Variants in MPDZ observed in about 807,000 individuals in gnomAD.
MPDZ encodes multiple PDZ domain protein.
MPDZ carries 234 observed loss-of-function variants against 239.1 expected under a neutral mutation model. That is an observed-to-expected ratio of 0.98 (90% confidence interval 0.88 to 1.09). MPDZ has a LOEUF of 1.09. Ranked by LOEUF, MPDZ falls within the 50% of genes least tolerant of loss-of-function variation. The probability of loss-of-function intolerance (pLI) is 0.00; values close to 1 mark genes in which losing one functional copy is unlikely to be tolerated. For missense variants in MPDZ, 3,175 were observed against 2,510.0 expected (o/e 1.26, Z -5.66); for synonymous variants, 1,048 against 881.3 (o/e 1.19, Z -3.35).
At chr9:13,145,408 T>C (rs1164208312) in intron 26 of MPDZ, among the ~76,000 whole-genome samples, 1 of 151,960 alleles carries the variant, frequency 6.6e-6, no homozygotes, top group Non-Finnish European at 1.5e-5. Context: ...GTTCTGGAAA[T>C]TTCTGATTCT....
At chr9:13,139,754 C>G (rs1294261573) in intron 28 of MPDZ, among the ~76,000 whole-genome samples, 3 of 152,100 alleles carry the variant, frequency 2.0e-5, no homozygotes. Context: ...AATTCTCATA[C>G]AAAAGGCAGA....
chr9:13,122,144 A>G lies in MPDZ; in HGVS notation c.4980T>C (p.Tyr1660=), dbSNP rs747995675. The change falls in exon 37 of 47, where the codon TAT becomes TAC. Residue 1660 remains tyrosine, a synonymous_variant. Coordinates refer to ENST00000319217, the MANE Select transcript of MPDZ (RefSeq NM_001378778.1). ...CATCTTTACATGCTGCTCCTTCTTC[A>G]TAAACTTCATGGATAATAATGGCAC... ...LLGAIIIHEV[Y]EEGAACKDGR... 5.0e-6 allele frequency: 8 copies of G among 1,614,030 alleles called. No individual in the cohort carries two copies. The highest frequency in any genetic ancestry group is 6.8e-6 in the Non-Finnish European group (8 of 1,179,926).
At chr9:13,139,912 G>T in intron 28 of MPDZ, 75 bp downstream of exon 28, 1 of 1,559,566 alleles carries the variant, frequency 6.4e-7, no homozygotes, top group Non-Finnish European at 8.8e-7. Context: ...TACTTATCCA[G>T]GGCGAAATCC....
At chr9:13,142,411 T>A (rs2132571902) in intron 27 of MPDZ, among the ~76,000 whole-genome samples, 1 of 152,284 alleles carries the variant, frequency 6.6e-6, no homozygotes, top group East Asian at 1.9e-4. Context: ...CCTGACACCC[T>A]CATTCTCATC....
chr9:13,264,942 A>G (rs901858059), intron 1 of MPDZ, among the ~76,000 whole-genome samples: 1 of 152,190 alleles, frequency 6.6e-6, no homozygotes, highest in Non-Finnish European at 1.5e-5. Flanking sequence ...TTTGTACCAC[A>G]TTTTCAGTGT....
At chr9:13,151,182 C>T (rs1166102185) in intron 24 of MPDZ, among the ~76,000 whole-genome samples, 5 of 151,814 alleles carry the variant, frequency 3.3e-5, no homozygotes, top group African/African-American at 9.7e-5. Flanking sequence ...GAATGCAGAG[C>T]GTGTGAAACC....
intron 3 of MPDZ, among the ~76,000 whole-genome samples, chr9:13,224,901 C>A (rs1439232764): frequency 6.6e-6 from 1 of 152,018 alleles, no homozygotes; most frequent in Non-Finnish European, 1.5e-5. Flanking sequence ...TTTTCTGTCC[C>A]CAGATCCTAT....
intron 31 of MPDZ, chr9:13,135,161 T>C (rs1295338414): frequency 6.6e-6 from 1 of 152,224 alleles, no homozygotes; most frequent in Admixed American, 6.5e-5. Context: ...TGCAAATATC[T>C]TTCTGTATTT....
At chr9:13,189,307 T>C (rs1455459021) in intron 16 of MPDZ, among the ~76,000 whole-genome samples, 1 of 152,132 alleles carries the variant, frequency 6.6e-6, no homozygotes, top group Non-Finnish European at 1.5e-5. Context: ...TAACTATTAT[T>C]GGAGGCCAGA....
At chr9:13,133,968 T>TTGGA in intron 31 of MPDZ, 64 bp from the exon 32 acceptor site, 1 of 769,820 alleles carries the variant, frequency 1.3e-6, no homozygotes, top group South Asian at 3.9e-5. Flanking sequence ...TTTGTTTAAA[T>TTGGA]ATAAAGGCCA....
intron 3 of MPDZ, among the ~76,000 whole-genome samples, chr9:13,235,123 G>C (rs1000593434): frequency 1.3e-5 from 2 of 152,026 alleles, no homozygotes; most frequent in African/African-American, 4.8e-5. Flanking sequence ...TTATTGAACA[G>C]GCAAACCCTT....
intron 1 of MPDZ, among the ~76,000 whole-genome samples, chr9:13,254,929 A>G (rs1420903480): frequency 2.6e-5 from 4 of 152,200 alleles, no homozygotes; most frequent in Non-Finnish European, 4.4e-5. Flanking sequence ...ATTTCTGAAA[A>G]TAAGACAACA....
intron 1 of MPDZ, among the ~76,000 whole-genome samples, chr9:13,255,018 T>TC (rs1373447058): frequency 6.6e-6 from 1 of 152,212 alleles, no homozygotes; most frequent in Non-Finnish European, 1.5e-5. Flanking sequence ...GACAGCATTT[T>TC]ACCCACAATA....
chr9:13,192,035 A>T, intron 15 of MPDZ, 96 bp downstream of exon 15: 1 of 1,151,732 alleles, frequency 8.7e-7, no homozygotes, highest in Non-Finnish European at 1.2e-6. Context: ...GATGTGAGTA[A>T]ATCAAATACC....
At chr9:13,166,059 T>C (rs925652222) in intron 22 of MPDZ, among the ~76,000 whole-genome samples, 4 of 152,112 alleles carry the variant, frequency 2.6e-5, no homozygotes, top group African/African-American at 4.8e-5. Context: ...CACAGTCTCC[T>C]TTTTTAAAGT....
chr9:13,223,434 C>T (rs1959443759), intron 5 of MPDZ, 137 bp downstream of exon 5: 1 of 959,068 alleles, frequency 1.0e-6, no homozygotes, highest in Admixed American at 3.6e-5. Flanking sequence ...ATGTTAATGA[C>T]TTCTAAAAAC....
In MPDZ at chr9:13,216,926, G is replaced by A. The variant is rs1958425484; in HGVS notation, c.1202-64C>T. 3.5e-5 allele frequency: 43 copies of A among 1,246,256 alleles called. 1 individual carries two copies. In the Middle Eastern group the frequency reaches 5.7e-4, roughly 16 times the overall value. The allele number at this position is 1,246,256 out of a possible 1,614,324, so 77.2% of individuals were successfully genotyped here. ...GCACATTCAAAGAATATCCATCTTC[G>A]ATTCTCCAACTATAAAGCTCTAATT... On this transcript the variant is annotated intron_variant, in intron 9 of 46. Coordinates refer to ENST00000319217, the MANE Select transcript of MPDZ (RefSeq NM_001378778.1).
At chr9:13,179,299 G>C (rs928760392) in intron 19 of MPDZ, among the ~76,000 whole-genome samples, 1 of 152,066 alleles carries the variant, frequency 6.6e-6, no homozygotes, top group African/African-American at 2.4e-5. Context: ...GAACTGGTTA[G>C]CTTCCATATT....
chr9:13,229,410 C>A (rs2136645668), intron 3 of MPDZ, among the ~76,000 whole-genome samples: 1 of 151,794 alleles, frequency 6.6e-6, no homozygotes, highest in African/African-American at 2.4e-5. Context: ...GAAAGAAAAT[C>A]TTAAAAACCA....
Sources: allele counts gnomAD v4.1 joint callset (sites outside exome capture counted in the v4.1 genomes callset), GRCh38; gene constraint gnomAD v4.1.1; transcripts MANE v1.5; gene names NCBI Gene and HGNC (gene_info 2026-07-23, HGNC 2026-07-21).